The following MACROD2 variants were observed in gnomAD, a reference collection of about 807,000 sequenced individuals.
The protein encoded by MACROD2 is mono-ADP ribosylhydrolase 2, also known as ADP-ribose glycohydrolase MACROD2.
Under a neutral mutation model 70.4 loss-of-function variants are expected in MACROD2, and 36 were observed. The ratio of observed to expected loss-of-function variants is 0.51; its 90% CI spans 0.39 to 0.68. The LOEUF (loss-of-function observed/expected upper bound fraction) is 0.68, where lower values mean the gene tolerates loss of function less well. MACROD2 is among the 30% of genes least tolerant of loss of function. The pLI is 0.00. For missense variants in MACROD2, 496 were observed against 538.4 expected (o/e 0.92, Z 0.78); for synonymous variants, 172 against 178.8 (o/e 0.96, Z 0.30).
chr20:15,901,150 C>G lies in MACROD2; in HGVS notation c.775+15339C>G, dbSNP rs73597719. On this transcript the variant is annotated intron_variant, in intron 10 of 17. Transcript: ENST00000684519. Reference sequence around the variant, plus strand: ...CTGGGTTTGTCTCTCTCCTTTTTCCCTTAGGTTCACTCAGCACACTCTGCA... The same window carrying G: ...CTGGGTTTGTCTCTCTCCTTTTTCCGTTAGGTTCACTCAGCACACTCTGCA... Among the ~76,000 whole-genome samples the G allele has an allele frequency of 3.9e-3, 589 of 152,212 alleles. 2 individuals carry two copies. The highest frequency in any genetic ancestry group is 0.023 in the South Asian group (113 of 4,824).
chr20:15,169,343 C>T (rs957327403), intron 5 of MACROD2, among the ~76,000 whole-genome samples: 1 of 152,106 alleles, frequency 6.6e-6, no homozygotes, highest in African/African-American at 2.4e-5. Context: ...TCTTGAGCTA[C>T]TCAAGTGAAA....
intron 5 of MACROD2, among the ~76,000 whole-genome samples, chr20:15,140,024 T>A (rs1233668015): frequency 6.6e-6 from 1 of 152,202 alleles, no homozygotes; most frequent in African/African-American, 2.4e-5. Context: ...TTTTTCTTAT[T>A]TGGTAACTAG....
chr20:14,863,262 A>G (rs2073391976), intron 5 of MACROD2, among the ~76,000 whole-genome samples: 1 of 152,066 alleles, frequency 6.6e-6, no homozygotes, highest in Non-Finnish European at 1.5e-5. Context: ...GGCTCATTGC[A>G]CAGGCAGCGC....
chr20:15,300,337 G>T (rs1310919567), intron 6 of MACROD2, among the ~76,000 whole-genome samples: 1 of 152,298 alleles, frequency 6.6e-6, no homozygotes, highest in East Asian at 1.9e-4. Context: ...TTTCAAAATA[G>T]TTTCCTGTAT....
intron 10 of MACROD2, among the ~76,000 whole-genome samples, chr20:15,910,805 C>G (rs1369070909): frequency 6.6e-6 from 1 of 152,208 alleles, no homozygotes. Context: ...GGCCAAGATT[C>G]TCTCAGATTC....
intron 3 of MACROD2, among the ~76,000 whole-genome samples, chr20:14,466,729 T>C (rs1477948766): frequency 2.0e-5 from 3 of 152,152 alleles, no homozygotes; most frequent in African/African-American, 7.2e-5. Flanking sequence ...ATGTCCTTTC[T>C]GTTTGTTAGT....
At chr20:15,568,690 A>G (rs1028958366) in intron 8 of MACROD2, among the ~76,000 whole-genome samples, 21 of 152,204 alleles carry the variant, frequency 1.4e-4, no homozygotes, top group African/African-American at 4.1e-4. Context: ...AAGGTCACAC[A>G]TAAGATAAAT....
At chr20:14,662,404 A>C in intron 4 of MACROD2, among the ~76,000 whole-genome samples, 1 of 152,130 alleles carries the variant, frequency 6.6e-6, no homozygotes, top group African/African-American at 2.4e-5. Flanking sequence ...AACCTAGGCA[A>C]TACCATTTTG....
chr20:15,319,296 G>C (rs1003737841), intron 6 of MACROD2, among the ~76,000 whole-genome samples: 11 of 152,124 alleles, frequency 7.2e-5, no homozygotes, highest in African/African-American at 2.7e-4. Context: ...ATTGCTGAAA[G>C]TAATTCAAGA....
At chr20:14,482,645 G>A (rs1323194053) in intron 3 of MACROD2, among the ~76,000 whole-genome samples, 2 of 152,020 alleles carry the variant, frequency 1.3e-5, no homozygotes, top group Non-Finnish European at 2.9e-5. Context: ...AAAATGATGT[G>A]TGTAGATTGG....
chr20:14,037,652 G>A (rs997473703), intron 2 of MACROD2, among the ~76,000 whole-genome samples: 50 of 150,538 alleles, frequency 3.3e-4, no homozygotes, highest in African/African-American at 1.2e-3. Flanking sequence ...GGTGGGGGGG[G>A]TAGTTAGTAA....
chr20:14,458,066 A>T (rs1383394999), intron 3 of MACROD2, among the ~76,000 whole-genome samples: 1 of 151,796 alleles, frequency 6.6e-6, no homozygotes, highest in Non-Finnish European at 1.5e-5. Flanking sequence ...ACGCCATTGC[A>T]CTCCAGCCTA....
intron 5 of MACROD2, among the ~76,000 whole-genome samples, chr20:14,722,926 A>G (rs1029255019): frequency 2.0e-5 from 3 of 152,192 alleles, no homozygotes; most frequent in Non-Finnish European, 4.4e-5. Flanking sequence ...ATCGTAAGAA[A>G]TGACTTGTCA....
At chr20:14,001,774 G>C (rs1012884752) in intron 1 of MACROD2, among the ~76,000 whole-genome samples, 4 of 152,012 alleles carry the variant, frequency 2.6e-5, no homozygotes, top group Non-Finnish European at 5.9e-5. Flanking sequence ...GGCACTTCAC[G>C]TGGCAAGAAC....
intron 3 of MACROD2, among the ~76,000 whole-genome samples, chr20:14,271,107 C>A (rs377613371): frequency 6.6e-6 from 1 of 152,312 alleles, no homozygotes; most frequent in South Asian, 2.1e-4. Flanking sequence ...TGCAGACTTA[C>A]ATGTCCCTGT....
chr20:15,734,028 GT>G (rs781353806), intron 8 of MACROD2, among the ~76,000 whole-genome samples: 1 of 152,178 alleles, frequency 6.6e-6, no homozygotes, highest in Admixed American at 6.5e-5. Context: ...ACAGAGTGCT[GT>G]AGAAACATGG....
chr20:14,763,389 A>G (rs928736758), intron 5 of MACROD2, among the ~76,000 whole-genome samples: 2 of 152,146 alleles, frequency 1.3e-5, no homozygotes, highest in Non-Finnish European at 2.9e-5. Context: ...TAAAAGGGAA[A>G]GACAGAAGAG....
chr20:14,177,196 G>A (rs1165846016), intron 3 of MACROD2, among the ~76,000 whole-genome samples: 1 of 151,570 alleles, frequency 6.6e-6, no homozygotes, highest in East Asian at 1.9e-4. Context: ...TATTTGTATT[G>A]TTACAAACAT....
At chr20:14,343,620 A>G (rs1222475890) in intron 3 of MACROD2, among the ~76,000 whole-genome samples, 2 of 152,220 alleles carry the variant, frequency 1.3e-5, no homozygotes, top group East Asian at 1.9e-4. Flanking sequence ...GAATGAAACA[A>G]TTTGAGAAAT....
Sources: allele counts gnomAD v4.1 joint callset (sites outside exome capture counted in the v4.1 genomes callset), GRCh38; gene constraint gnomAD v4.1.1; transcripts MANE v1.5; gene names NCBI Gene and HGNC (gene_info 2026-07-23, HGNC 2026-07-21).